Variants in OFD1 observed in about 807,000 individuals in gnomAD.
OFD1 encodes the protein centriole and centriolar satellite protein OFD1.
Under a neutral mutation model 81.4 loss-of-function variants are expected in OFD1, and 12 were observed. The ratio of observed to expected loss-of-function variants is 0.15; its 90% confidence interval spans 0.09 to 0.24. The LOEUF is 0.24. Among genes scored for constraint, OFD1 ranks in the 10% least tolerant of loss-of-function variants. The pLI is 1.00. For missense variants in OFD1, 685 were observed against 733.9 expected, an observed-to-expected ratio of 0.93 and a Z score of 0.77; for synonymous variants, 256 against 263.7, an observed-to-expected ratio of 0.97 and a Z score of 0.28.
chrX:13,728,547 A>G, the OFD1 span, among the ~76,000 whole-genome samples: 1 of 112,313 alleles, frequency 8.9e-6, no homozygotes, highest in African/African-American at 3.2e-5. Context: ...ACAAAATTCA[A>G]CAGCCCTTCA....
chrX:13,747,156 A>G (rs1451198870), intron 8 of OFD1, among the ~76,000 whole-genome samples: 1 of 112,097 alleles, frequency 8.9e-6, no homozygotes, highest in African/African-American at 3.2e-5. Context: ...AAAGGCGAGA[A>G]CTGTGGAGGT....
At chrX:13,722,189 C>T in the OFD1 span, 1 of 52,027 alleles carries the variant, frequency 1.9e-5, no homozygotes, top group African/African-American at 7.2e-5. Flanking sequence ...TTACTTTCTT[C>T]AGTACATTTA....
At chrX:13,772,754 TGAGACA>T, downstream of OFD1, 1 of 571,859 alleles carries the variant, frequency 1.7e-6, no homozygotes, top group Non-Finnish European at 2.7e-6. Flanking sequence ...CCCAGCAGCT[TGAGACA>T]GACAGTGAAG....
At chrX:13,772,764 A>C (rs1045532823), downstream of OFD1, 30 of 630,309 alleles carry the variant, frequency 4.8e-5, no homozygotes, top group Admixed American at 6.0e-5. Flanking sequence ...TGAGACAGAC[A>C]GTGAAGTGTT....
intron 10 of OFD1, chrX:13,752,956 C>T (rs1467190507): frequency 2.2e-6 from 2 of 901,173 alleles, no homozygotes; most frequent in Non-Finnish European, 2.8e-6. Flanking sequence ...AAGTTCTTAC[C>T]TTGGTTGGGG....
chrX:13,771,553 C>T (rs1216671356), downstream of OFD1: 1 of 111,900 alleles, frequency 8.9e-6, no homozygotes, highest in Non-Finnish European at 1.9e-5. Flanking sequence ...ATCCAGGAAA[C>T]AGCCAAACCA....
chrX:13,746,250 CAGAGGTCTGGCG>C, intron 6 of OFD1, 57 bp from the exon 7 acceptor site: 1 of 1,009,140 alleles, frequency 9.9e-7, no homozygotes, highest in Non-Finnish European at 1.4e-6. Context: ...ACTTTTGAAC[CAGAGGTCTGGCG>C]TCTTACGCAC....
chrX:13,742,427 G>A (rs1300612743), intron 5 of OFD1, among the ~76,000 whole-genome samples: 7 of 112,100 alleles, frequency 6.2e-5, no homozygotes, highest in Admixed American at 4.7e-4. Context: ...CTTGGGTTTC[G>A]TGATGAGATG....
intron 18 of OFD1, among the ~76,000 whole-genome samples, 176 bp downstream of exon 18, chrX:13,762,620 ATG>A (rs1394034006): frequency 4.4e-5 from 5 of 112,719 alleles, no homozygotes; most frequent in African/African-American, 1.6e-4. Context: ...GATGATTTTC[ATG>A]TGTGTGTTTA....
chrX:13,764,973 G>A (rs1475778611), intron 19 of OFD1, among the ~76,000 whole-genome samples: 2 of 111,806 alleles, frequency 1.8e-5, no homozygotes, highest in Non-Finnish European at 3.8e-5. Context: ...ACAAGAGGGA[G>A]TGTCTACAGG....
At chrX:13,746,997 A>G (rs774061798) in intron 8 of OFD1, 44 bp downstream of exon 8, 4 of 1,136,941 alleles carry the variant, frequency 3.5e-6, no homozygotes, top group Non-Finnish European at 3.6e-6. Flanking sequence ...TCCTGCAGCT[A>G]TTAGTAGGTT....
chrX:13,762,291 A>T, intron 17 of OFD1, 53 bp from the exon 18 acceptor site: 3 of 793,392 alleles, frequency 3.8e-6, no homozygotes, highest in Non-Finnish European at 5.8e-6. Flanking sequence ...GTCACCTTGT[A>T]CTCTTTGGTT....
chrX:13,739,295 G>GAAA, intron 5 of OFD1: 11 of 172,714 alleles, frequency 6.4e-5, no homozygotes, highest in East Asian at 2.9e-4. Context: ...GAATATTTCT[G>GAAA]CAAAAAAAAA....
Position 13,767,185 on chromosome X carries a change from A to G in OFD1, c.2658A>G (p.Gln886=), listed in dbSNP as rs755355760. The G allele has an allele frequency of 8.3e-7, 1 of 1,210,588 alleles. No homozygotes were observed. Among genetic ancestry groups the G allele is most frequent in the Non-Finnish European group, 1.1e-6 (1 of 894,151 alleles). Residue 886 remains glutamine (Q), a synonymous_variant, in exon 20 of 23, where the codon CAA becomes CAG. Transcript: ENST00000340096. ...AAGAAGAAAAAATACGGGAACAGCA[A>G]GTGAAAGAACGAAGGCAGAGAGAAG... ...QKEEEKIREQ[Q]VKERRQREER...
chrX:13,768,314 C>T, intron 21 of OFD1, 90 bp downstream of exon 21: 2 of 694,362 alleles, frequency 2.9e-6, no homozygotes, highest in South Asian at 2.2e-5. Flanking sequence ...CCGTCTTCTC[C>T]ATTGAAGACA....
chrX:13,763,180 G>A (rs1210506900), intron 18 of OFD1, among the ~76,000 whole-genome samples: 4 of 112,671 alleles, frequency 3.6e-5, no homozygotes, highest in Non-Finnish European at 7.5e-5. Context: ...CCAGAAACTG[G>A]TGTCCTGGCT....
At chrX:13,737,688 T>G (rs1167668483) in intron 3 of OFD1, among the ~76,000 whole-genome samples, 2 of 111,366 alleles carry the variant, frequency 1.8e-5, no homozygotes, top group African/African-American at 3.3e-5. Flanking sequence ...CTTGGTGGTG[T>G]TCATATGTTT....
At chrX:13,732,742 T>C (rs759561176), upstream of OFD1, among the ~76,000 whole-genome samples, 3 of 113,185 alleles carry the variant, frequency 2.7e-5, no homozygotes, top group Admixed American at 2.8e-4. Flanking sequence ...GGATGCTCAG[T>C]GAACTTGGAA....
At chrX:13,739,296 CAAAAAA>C in intron 5 of OFD1, 1 of 111,385 alleles carries the variant, frequency 9.0e-6, no homozygotes, top group Admixed American at 1.5e-4. Flanking sequence ...AATATTTCTG[CAAAAAA>C]AAAAAAAAAA....
Sources: allele counts gnomAD v4.1 joint callset (sites outside exome capture counted in the v4.1 genomes callset), GRCh38; gene constraint gnomAD v4.1.1; transcripts MANE v1.5; gene names NCBI Gene and HGNC (gene_info 2026-07-23, HGNC 2026-07-21).